DNMT3B: variants seen among roughly 807,000 people sequenced by gnomAD.
DNMT3B encodes DNA methyltransferase 3 beta.
Under a neutral mutation model 120.2 loss-of-function variants are expected in DNMT3B, and 37 were observed. The observed-to-expected ratio is 0.31, with a 90% CI of 0.24 to 0.40. The LOEUF (loss-of-function observed/expected upper bound fraction) is 0.40. Ranked by LOEUF, DNMT3B falls within the 10% of genes least tolerant of loss-of-function variation. The pLI is 1.00. For missense variants in DNMT3B, 878 were observed against 1,137.3 expected (o/e 0.77, Z 3.28); for synonymous variants, 412 against 442.8 (o/e 0.93, Z 0.87).
intron 1 of DNMT3B, among the ~76,000 whole-genome samples, chr20:32,766,041 G>A (rs1987348215): frequency 1.3e-5 from 2 of 152,138 alleles, no homozygotes; most frequent in South Asian, 4.1e-4. Context: ...ACAGGCGTGA[G>A]CCACTGTGCC....
intron 1 of DNMT3B, among the ~76,000 whole-genome samples, chr20:32,778,703 G>A (rs949311532): frequency 6.6e-6 from 1 of 152,240 alleles, no homozygotes; most frequent in Non-Finnish European, 1.5e-5. Flanking sequence ...GTGGCTTCTA[G>A]AAGGTACCCT....
chr20:32,797,366 C>T, intron 14 of DNMT3B, 67 bp downstream of exon 14: 1 of 1,469,916 alleles, frequency 6.8e-7, no homozygotes, highest in South Asian at 1.2e-5. Flanking sequence ...CTGCAGTCTG[C>T]AGACAGCTGT....
chr20:32,773,934 GTTTTTTTTTTT>G (rs1161730284), intron 1 of DNMT3B, among the ~76,000 whole-genome samples: 3 of 69,152 alleles, frequency 4.3e-5, no homozygotes, highest in East Asian at 1.0e-3. Context: ...CCCGGCAGTG[GTTTTTTTTTTT>G]TTTTTTTTTT....
At chr20:32,781,308 G>T (rs1219862195) in intron 2 of DNMT3B, 45 bp from the exon 3 acceptor site, 4 of 1,595,646 alleles carry the variant, frequency 2.5e-6, no homozygotes. Flanking sequence ...TCCCCAGACT[G>T]GTGCCTGCCC....
At chr20:32,765,109 T>C (rs768934393) in intron 1 of DNMT3B, among the ~76,000 whole-genome samples, 1 of 152,110 alleles carries the variant, frequency 6.6e-6, no homozygotes, top group Non-Finnish European at 1.5e-5. Context: ...TTTTCAGAGG[T>C]ATGAGGTTGT....
intron 3 of DNMT3B, 56 bp from the exon 4 acceptor site, chr20:32,784,702 T>G (rs1979042091): frequency 1.3e-6 from 2 of 1,598,026 alleles, no homozygotes; most frequent in Admixed American, 3.4e-5. Flanking sequence ...GCCTTGTTTC[T>G]TTGACTTGCT....
At chr20:32,806,088 G>A in intron 21 of DNMT3B, 121 bp from the exon 22 acceptor site, 1 of 913,930 alleles carries the variant, frequency 1.1e-6, no homozygotes. Flanking sequence ...TTCTCTCCCA[G>A]CCCTGCCACT....
chr20:32,769,008 A>T (rs1187273344), intron 1 of DNMT3B, among the ~76,000 whole-genome samples: 1 of 152,208 alleles, frequency 6.6e-6, no homozygotes. Flanking sequence ...GAATTAGGGG[A>T]ATTGCTCAGT....
Position 32,786,555 on chromosome 20 carries a change from C to T in DNMT3B, c.360C>T (p.Ser120=), listed in dbSNP as rs144034337. ...SVSSRERHRP[S]PRSTRGRQGR... The stretch of plus-strand genomic sequence containing the variant: ...CCAGCCGGGAGAGGCACAGGCCTTC[C>T]CCACGTTCCACCCGAGGCCGGCAGG... Residue 120 remains serine (S), a synonymous_variant, in exon 5 of 23, where the codon TCC becomes TCT. Coordinates refer to ENST00000328111, the MANE Select transcript of DNMT3B (RefSeq NM_006892.4). 53 of 1,613,884 alleles carry T rather than the reference C, an allele frequency of 3.3e-5. No individual in the cohort carries two copies. The highest frequency in any genetic ancestry group is 4.5e-5 in the Non-Finnish European group (53 of 1,180,056).
At chr20:32,779,273 G>C (rs1569686) in intron 1 of DNMT3B, among the ~76,000 whole-genome samples, 2 of 152,072 alleles carry the variant, frequency 1.3e-5, no homozygotes, top group African/African-American at 2.4e-5. Context: ...CGGTTTCAGC[G>C]GGGATTTATG....
intron 14 of DNMT3B, among the ~76,000 whole-genome samples, chr20:32,798,034 T>C (rs1302190606): frequency 6.6e-6 from 1 of 151,838 alleles, no homozygotes; most frequent in African/African-American, 2.4e-5. Context: ...CTCAAATCCC[T>C]GGGGTCAAGC....
Position 32,787,393 on chromosome 20 carries a change from G to A in DNMT3B, c.596G>A (p.Gly199Asp), listed in dbSNP as rs776039454. 1.9e-6 allele frequency: 3 copies of A among 1,614,228 alleles called. No individual in the cohort carries two copies. Among genetic ancestry groups the A allele is most frequent in the South Asian group, 1.1e-5 (1 of 91,086 alleles). The change falls in exon 6 of 23, where the codon GGC becomes GAC. Residue 199 changes from glycine to aspartate, a missense_variant. Physicochemically the swap from Gly to Asp is moderately conservative, Grantham distance 94. Around this residue, in one of 4 missense-constraint regions of DNMT3B, gnomAD observed 287 missense variants for 306.2 expected, o/e 0.94. Transcript: ENST00000328111. ...CTAGCCCAGGACAGCCAGCAGGGGG[G>A]CATGGAGTCCCCGCAGGTGGAGGCA... ...ARLAQDSQQG[G>D]MESPQVEADS...
chr20:32,774,757 C>T lies in DNMT3B; in HGVS notation c.-6-5561C>T, dbSNP rs74605490. On this transcript the variant is annotated intron_variant, in intron 1 of 22. Coordinates refer to ENST00000328111, the MANE Select transcript of DNMT3B (RefSeq NM_006892.4). Reference sequence around the variant, plus strand: ...TTTTGAGATGGAGTCTCCCCCTTGTCGCCCAGGCTGGAGTACAGTGGCACG... The same window carrying T: ...TTTTGAGATGGAGTCTCCCCCTTGTTGCCCAGGCTGGAGTACAGTGGCACG... 8.9e-3 allele frequency among the ~76,000 whole-genome samples: 1,353 copies of T among 151,964 alleles called. 16 individuals are homozygous for T. Among genetic ancestry groups the T allele is most frequent in the Non-Finnish European group, 0.014 (979 of 67,944 alleles).
chr20:32,772,836 C>A (rs1434211667), intron 1 of DNMT3B, among the ~76,000 whole-genome samples: 1 of 149,730 alleles, frequency 6.7e-6, no homozygotes, highest in East Asian at 1.9e-4. Context: ...GCACAGTCTG[C>A]AGATAGCCAC....
At chr20:32,800,462 G>A (rs1275363958) in intron 17 of DNMT3B, among the ~76,000 whole-genome samples, 164 bp downstream of exon 17, 1 of 152,104 alleles carries the variant, frequency 6.6e-6, no homozygotes, top group African/African-American at 2.4e-5. Context: ...AGTGGAGTTG[G>A]TGACCAAGCA....
At position 32,762,567 on chromosome 20, in the gene DNMT3B, T is replaced by C; in HGVS notation, c.-139T>C. On this transcript the variant is annotated 5_prime_UTR_variant, in exon 1 of 23. Coordinates refer to ENST00000328111, the MANE Select transcript of DNMT3B (RefSeq NM_006892.4). ...CAGCGCTGGGGTTAAGTGGCCCAAGTAAACCTAGCTCGGCGATCGGCGCCG... is the reference window on the plus strand; with the variant it reads ...CAGCGCTGGGGTTAAGTGGCCCAAGCAAACCTAGCTCGGCGATCGGCGCCG... 1 of 353,192 alleles carries C rather than the reference T, an allele frequency of 2.8e-6. No individual in the cohort carries two copies. Among genetic ancestry groups the C allele is most frequent in the Non-Finnish European group, 5.8e-6 (1 of 172,426 alleles). 21.9% of individuals were successfully genotyped at this position (353,192 alleles called of 1,614,324 possible). A position where few individuals can be genotyped will look rare whatever the true frequency, so the allele number is the denominator to read the frequency against.
intron 15 of DNMT3B, 138 bp from the exon 16 acceptor site, chr20:32,799,106 A>G: frequency 1.1e-5 from 10 of 905,168 alleles, no homozygotes; most frequent in Non-Finnish European, 1.8e-5. Context: ...CCCAATCCCC[A>G]TCAAGCCTTC....
chr20:32,786,050 A>T (rs1979238795), intron 4 of DNMT3B, among the ~76,000 whole-genome samples: 1 of 151,908 alleles, frequency 6.6e-6, no homozygotes, highest in Admixed American at 6.6e-5. Context: ...TGCCTGGCTA[A>T]TTTTTGCATT....
chr20:32,778,942 A>AGATG (rs3080493), intron 1 of DNMT3B, among the ~76,000 whole-genome samples: 31,507 of 150,432 alleles, frequency 0.21, 3,602 homozygotes, highest in Middle Eastern at 0.31. Flanking sequence ...TCTCTAAGAT[A>AGATG]GATGGATGGA....
Sources: gnomAD v4.1 joint callset for allele counts (sites outside exome capture counted in the v4.1 genomes callset) on GRCh38, gnomAD v4.1.1 for gene constraint, gnomAD v4.1.1 regional missense constraint, MANE v1.5 for transcripts, NCBI Gene and HGNC (gene_info 2026-07-23, HGNC 2026-07-21) for gene names.